CACUL1: variants seen among roughly 807,000 people sequenced by gnomAD.
CACUL1 encodes the protein CDK2 associated cullin domain 1, also known as CDK2-associated and cullin domain-containing protein 1.
In CACUL1, 13 loss-of-function variants were observed where a neutral mutation model predicts 45.2. The observed-to-expected ratio is 0.29, with a 90% CI of 0.19 to 0.46. The LOEUF is 0.46. Among genes scored for constraint, CACUL1 ranks in the 20% least tolerant of loss-of-function variants. The pLI, the probability that CACUL1 is intolerant of heterozygous loss-of-function variation, is 1.00. For synonymous variants in CACUL1, 197 were observed against 174.2 expected (o/e 1.13, Z -1.03); for missense variants, 421 against 471.4 (o/e 0.89, Z 0.99).
intron 3 of CACUL1, among the ~76,000 whole-genome samples, chr10:118,714,569 A>C (rs906965009): frequency 6.6e-6 from 1 of 152,190 alleles, no homozygotes; most frequent in Non-Finnish European, 1.5e-5. Flanking sequence ...TTTCTGAGAA[A>C]ATGTCTGTCA....
chr10:118,741,729 T>C (rs1347011149), intron 1 of CACUL1, among the ~76,000 whole-genome samples: 1 of 152,162 alleles, frequency 6.6e-6, no homozygotes, highest in African/African-American at 2.4e-5. Context: ...ACCTCCACTC[T>C]CTATCCGCTC....
chr10:118,731,626 C>G (rs972803439), intron 1 of CACUL1, among the ~76,000 whole-genome samples: 4 of 152,166 alleles, frequency 2.6e-5, no homozygotes, highest in Admixed American at 1.3e-4. Flanking sequence ...GTCCCATTTA[C>G]ATGATACTAA....
intron 4 of CACUL1, among the ~76,000 whole-genome samples, chr10:118,702,059 G>T (rs114061849): frequency 1.3e-5 from 2 of 152,058 alleles, no homozygotes; most frequent in South Asian, 2.1e-4. Context: ...GAAAATGGCC[G>T]GTTTCTGCCT....
At position 118,754,831 on chromosome 10, in the gene CACUL1, C is replaced by T. The variant is rs1845941913; in HGVS notation, c.-69G>A. Reference sequence around the variant, plus strand: ...CCTGTCTCAACCCCGGGCCAGCGGGCACCGCTGCCTCCCCGAGTTACATCG... The same window carrying T: ...CCTGTCTCAACCCCGGGCCAGCGGGTACCGCTGCCTCCCCGAGTTACATCG... On this transcript the variant is annotated 5_prime_UTR_variant, in exon 1 of 9. Transcript: ENST00000369151. 6.7e-7 allele frequency: 1 copy of T among 1,496,372 alleles called. No homozygotes were observed. Among genetic ancestry groups the T allele is most frequent in the African/African-American group, 1.5e-5 (1 of 68,422 alleles). The allele number at this position is 1,496,372 out of a possible 1,614,324, so 92.7% of individuals were successfully genotyped here.
rs1333957391 is a variant in CACUL1, at chr10:118,676,969, C to T, written c.*9159G>A. ...ATTCTTAGAAAAAACTTCTCCAATC[C>T]CAAGAAAAAATACTACTTTCTAGTT... On this transcript the variant is annotated 3_prime_UTR_variant, in exon 9 of 9. Coordinates refer to ENST00000369151, the MANE Select transcript of CACUL1 (RefSeq NM_153810.5). 10 of 151,862 alleles carry T rather than the reference C, an allele frequency of 6.6e-5. No individual in the cohort carries two copies. The highest frequency in any genetic ancestry group is 1.3e-4 in the Admixed American group (2 of 15,258). The allele number at this position is 151,862 out of a possible 1,614,324, so 9.4% of individuals were successfully genotyped here.
At chr10:118,700,792 C>A (rs1033708288) in intron 5 of CACUL1, among the ~76,000 whole-genome samples, 2 of 151,498 alleles carry the variant, frequency 1.3e-5, no homozygotes, top group African/African-American at 4.9e-5. Context: ...TACACAGGCA[C>A]ATGAAATATT....
chr10:118,723,943 T>C (rs2119628089), intron 3 of CACUL1, among the ~76,000 whole-genome samples: 1 of 152,164 alleles, frequency 6.6e-6, no homozygotes, highest in Non-Finnish European at 1.5e-5. Flanking sequence ...TTTTTTGTAT[T>C]TGTAGTAGAG....
intron 3 of CACUL1, among the ~76,000 whole-genome samples, chr10:118,720,964 C>A (rs1845594064): frequency 6.6e-6 from 1 of 152,126 alleles, no homozygotes. Context: ...GTAGAACACA[C>A]ATGTAAAGGG....
At chr10:118,688,304 G>A (rs1444693122) in intron 7 of CACUL1, among the ~76,000 whole-genome samples, 2 of 152,226 alleles carry the variant, frequency 1.3e-5, no homozygotes, top group Admixed American at 1.3e-4. Context: ...CCAAGTGAGT[G>A]TCTTCCGTTG....
intron 5 of CACUL1, among the ~76,000 whole-genome samples, chr10:118,695,579 T>C (rs2119560521): frequency 6.6e-6 from 1 of 152,286 alleles, no homozygotes; most frequent in South Asian, 2.1e-4. Context: ...CATATGATAA[T>C]CTCCCTCAAT....
At position 118,695,236 on chromosome 10, in the gene CACUL1, A is replaced by G. The variant is rs375683137; in HGVS notation, c.797-6T>C. On this transcript the variant is annotated splice_polypyrimidine_tract_variant and splice_region_variant and intron_variant, in intron 5 of 8. Coordinates refer to ENST00000369151, the MANE Select transcript of CACUL1 (RefSeq NM_153810.5). ...CTGGGCTTCTAAAAGTAAAGCTGAA[A>G]TAAGAAAACAGGTTAAAAAGAATGT... 98 of 1,524,530 alleles carry G rather than the reference A, an allele frequency of 6.4e-5. No homozygotes were observed. The highest frequency in any genetic ancestry group is 8.1e-5 in the Non-Finnish European group (89 of 1,098,806). 94.4% of individuals were successfully genotyped at this position (1,524,530 alleles called of 1,614,324 possible).
intron 1 of CACUL1, among the ~76,000 whole-genome samples, chr10:118,752,613 C>G (rs906424054): frequency 2.0e-5 from 3 of 152,152 alleles, no homozygotes; most frequent in Non-Finnish European, 2.9e-5. Context: ...ATGTCCTTAT[C>G]TGTTTTAGAA....
chr10:118,735,739 A>G (rs940959365), intron 1 of CACUL1, among the ~76,000 whole-genome samples: 3 of 152,176 alleles, frequency 2.0e-5, no homozygotes, highest in African/African-American at 7.2e-5. Context: ...AGATTCACTA[A>G]AATTCTTCTC....
chr10:118,706,021 G>A (rs536177507), intron 4 of CACUL1, among the ~76,000 whole-genome samples: 13 of 152,228 alleles, frequency 8.5e-5, no homozygotes, highest in Admixed American at 6.5e-4. Context: ...TTTGAAGTTC[G>A]TTTATTCTTA....
At chr10:118,710,090 A>AT (rs113369997) in intron 3 of CACUL1, among the ~76,000 whole-genome samples, 9,324 of 139,876 alleles carry the variant, frequency 0.067, 551 homozygotes, top group African/African-American at 0.17. Context: ...TTTGTTTGGG[A>AT]TTTTTTTTTT....
chr10:118,727,077 A>G lies in CACUL1; in HGVS notation c.597+2218T>C, dbSNP rs557434768. Among the ~76,000 whole-genome samples the G allele has an allele frequency of 2.3e-4, 35 of 152,290 alleles. No individual in the cohort carries two copies. The South Asian group carries it at 7.0e-3, about 31-fold the overall frequency. On this transcript the variant is annotated intron_variant, in intron 3 of 8. Transcript: ENST00000369151. ...ACTAAATTCCCTGGTTTTATATCAT[A>G]TATCACCCTTTTAAAAAATACTAAC...
At position 118,685,616 on chromosome 10, in the gene CACUL1, G is replaced by A. The variant is rs889707761; in HGVS notation, c.*512C>T. 1.3e-5 allele frequency: 2 copies of A among 152,574 alleles called. No individual in the cohort carries two copies. Among genetic ancestry groups the A allele is most frequent in the African/African-American group, 2.4e-5 (1 of 41,448 alleles). The allele number at this position is 152,574 out of a possible 1,614,324, so 9.5% of individuals were successfully genotyped here. On this transcript the variant is annotated 3_prime_UTR_variant, in exon 9 of 9. Transcript: ENST00000369151. ...TTTTCCTTTAACAAGACTTTCTAAT[G>A]CTAAACAAAGACCAACTCTTTTAAA...
intron 3 of CACUL1, chr10:118,726,339 T>G: frequency 7.8e-7 from 1 of 1,287,804 alleles, no homozygotes; most frequent in Non-Finnish European, 1.0e-6. Flanking sequence ...TTTCCATTAG[T>G]ACAGGTCACA....
At chr10:118,691,849 A>G (rs915703451) in intron 6 of CACUL1, among the ~76,000 whole-genome samples, 6 of 138,010 alleles carry the variant, frequency 4.3e-5, no homozygotes, top group African/African-American at 1.7e-4. Context: ...CCTGGGCGAC[A>G]GAGCGAGACT....
Sources: allele counts gnomAD v4.1 joint callset (sites outside exome capture counted in the v4.1 genomes callset), GRCh38; gene constraint gnomAD v4.1.1; transcripts MANE v1.5; gene names NCBI Gene and HGNC (gene_info 2026-07-23, HGNC 2026-07-21).